Variants in METAP1 observed in about 807,000 individuals in gnomAD.
METAP1 encodes methionine aminopeptidase 1.
In METAP1, 28 loss-of-function variants were observed where a neutral mutation model predicts 53.8. The ratio of observed to expected loss-of-function variants is 0.52; its 90% CI spans 0.39 to 0.71. The LOEUF is 0.71. Ranked by LOEUF, METAP1 falls within the 30% of genes least tolerant of loss-of-function variation. The pLI is 0.00. For missense variants in METAP1, 389 were observed against 479.8 expected (o/e 0.81, Z 1.77); for synonymous variants, 181 against 165.7 (o/e 1.09, Z -0.71).
In METAP1 at chr4:99,041,036, T is replaced by C. The variant is rs757470277; in HGVS notation, c.433-7T>C. ...TTTTTAATGTATTGAGTGTTCCTTT[T>C]TTACAGCTTGCTAGAGAAGTTTTGG... On this transcript the variant is annotated splice_region_variant and splice_polypyrimidine_tract_variant and intron_variant, in intron 5 of 10. Coordinates refer to ENST00000296411, the MANE Select transcript of METAP1 (RefSeq NM_015143.3). 1 of 1,604,102 alleles carries C rather than the reference T, an allele frequency of 6.2e-7. No individual in the cohort carries two copies. Among genetic ancestry groups the C allele is most frequent in the Non-Finnish European group, 8.5e-7 (1 of 1,173,406 alleles).
At position 99,052,091 on chromosome 4, in the gene METAP1, T is replaced by C. The variant is rs544725956; in HGVS notation, c.931+3215T>C. On this transcript the variant is annotated intron_variant, in intron 9 of 10. Transcript: ENST00000296411. ...AGCAAGTCATACAGATTTTTTGGTT[T>C]CCCAGTGCAGTGCATAAAAAGTTAT... Among the ~76,000 whole-genome samples the C allele has an allele frequency of 2.6e-5, 4 of 152,336 alleles. No individual in the cohort carries two copies. In the South Asian group the frequency reaches 8.3e-4, roughly 32 times the overall value.
chr4:99,026,337 C>G (rs1724555461), intron 1 of METAP1: 1 of 985,262 alleles, frequency 1.0e-6, no homozygotes, highest in Admixed American at 6.2e-5. Flanking sequence ...AGTAGTAAAA[C>G]AAAGTGCTGT....
intron 1 of METAP1, among the ~76,000 whole-genome samples, chr4:98,996,284 G>A (rs1461536867): frequency 6.6e-6 from 1 of 152,242 alleles, no homozygotes; most frequent in Non-Finnish European, 1.5e-5. Flanking sequence ...CCGCAGCACC[G>A]GCGGGGCTCG....
chr4:99,008,312 A>C (rs1229640187), intron 1 of METAP1, among the ~76,000 whole-genome samples: 1 of 152,224 alleles, frequency 6.6e-6, no homozygotes, highest in Non-Finnish European at 1.5e-5. Flanking sequence ...TTTAAGGAAG[A>C]GTCCAAGTAC....
At chr4:99,055,091 T>A (rs3100627) in intron 9 of METAP1, among the ~76,000 whole-genome samples, 47,146 of 150,242 alleles carry the variant, frequency 0.31, 10,540 homozygotes, top group East Asian at 0.79. Context: ...CAATTTATTT[T>A]TAAAAAAAAA....
chr4:99,002,803 C>T (rs914359096), intron 1 of METAP1, among the ~76,000 whole-genome samples: 16 of 152,248 alleles, frequency 1.1e-4, no homozygotes, highest in Admixed American at 1.3e-4. Context: ...GGCCAGGCGC[C>T]GTGGCTTATG....
chr4:99,022,396 G>T, intron 1 of METAP1: 1 of 775,506 alleles, frequency 1.3e-6, no homozygotes, highest in Non-Finnish European at 1.9e-6. Flanking sequence ...TGCTTTGTTG[G>T]AGTGGGCCTT....
intron 1 of METAP1, chr4:99,022,242 T>A: frequency 2.2e-6 from 1 of 457,406 alleles, no homozygotes; most frequent in Non-Finnish European, 3.5e-6. Flanking sequence ...TGGGTAGTCA[T>A]GATCATTCTA....
chr4:99,040,289 C>T (rs941190345), intron 5 of METAP1, among the ~76,000 whole-genome samples: 1 of 152,074 alleles, frequency 6.6e-6, no homozygotes, highest in Non-Finnish European at 1.5e-5. Flanking sequence ...GGTTGGTACT[C>T]ATTAGGTGAA....
At chr4:98,996,784 G>A (rs1323115520) in intron 1 of METAP1, among the ~76,000 whole-genome samples, 1 of 152,210 alleles carries the variant, frequency 6.6e-6, no homozygotes, top group African/African-American at 2.4e-5. Context: ...GGCGGCAATA[G>A]TATGGCTCTT....
chr4:99,041,204 A>G, intron 6 of METAP1, 78 bp downstream of exon 6: 1 of 1,010,716 alleles, frequency 9.9e-7, no homozygotes, highest in Admixed American at 2.3e-5. Flanking sequence ...AAGTAGATTT[A>G]AGTTCTGAGT....
Position 99,039,411 on chromosome 4 carries a change from T to C in METAP1, c.378T>C (p.Ser126=). 6.2e-7 allele frequency: 1 copy of C among 1,612,182 alleles called. No individual in the cohort carries two copies. The highest frequency in any genetic ancestry group is 1.1e-5 in the South Asian group (1 of 90,846). ...CTGAACAGGCTCTTAAAGGTACTTCTCAGATTAAATTACTCTCATCTGAAG... is the reference window on the plus strand; with the variant it reads ...CTGAACAGGCTCTTAAAGGTACTTCCCAGATTAAATTACTCTCATCTGAAG... The part of the protein sequence containing the change: ...SESEQALKGT[S]QIKLLSSEDI... Residue 126 remains serine (S), a synonymous_variant, in exon 5 of 11, where the codon TCT becomes TCC. Transcript: ENST00000296411.
chr4:99,013,821 C>T (rs1376044399), intron 1 of METAP1, among the ~76,000 whole-genome samples: 2 of 152,216 alleles, frequency 1.3e-5, no homozygotes, highest in South Asian at 2.1e-4. Context: ...CTGGAACAAG[C>T]TGGAGCAGCC....
chr4:99,040,237 T>A (rs553406695), intron 5 of METAP1, among the ~76,000 whole-genome samples: 1 of 152,346 alleles, frequency 6.6e-6, no homozygotes, highest in African/African-American at 2.4e-5. Context: ...AGGGTTATGC[T>A]GTAGGCCTTT....
intron 2 of METAP1, among the ~76,000 whole-genome samples, chr4:99,030,244 T>C (rs1304548632): frequency 6.6e-6 from 1 of 152,202 alleles, no homozygotes; most frequent in East Asian, 1.9e-4. Flanking sequence ...TGCTAACTCA[T>C]TGATGTGTGC....
intron 10 of METAP1, 82 bp downstream of exon 10, chr4:99,057,900 A>G (rs561406823): frequency 1.1e-5 from 14 of 1,243,834 alleles, no homozygotes; most frequent in African/African-American, 4.5e-5. Flanking sequence ...GGTCTTTTCT[A>G]CCTGCTTGCT....
intron 1 of METAP1, among the ~76,000 whole-genome samples, chr4:99,010,970 C>T (rs1723437615): frequency 6.7e-6 from 1 of 150,284 alleles, no homozygotes; most frequent in African/African-American, 2.4e-5. Context: ...TAAAATTATT[C>T]ATTGTTAGTG....
chr4:99,015,560 C>T (rs967155610), intron 1 of METAP1, among the ~76,000 whole-genome samples: 1 of 152,152 alleles, frequency 6.6e-6, no homozygotes, highest in East Asian at 1.9e-4. Flanking sequence ...CTGTAGAGGT[C>T]CAGCCTCTGT....
intron 1 of METAP1, among the ~76,000 whole-genome samples, chr4:99,015,481 G>A (rs1022503888): frequency 4.6e-5 from 7 of 152,178 alleles, no homozygotes. Context: ...CACTGATAAA[G>A]CTTACAATCA....
Sources: allele counts gnomAD v4.1 joint callset (sites outside exome capture counted in the v4.1 genomes callset), GRCh38; gene constraint gnomAD v4.1.1; transcripts MANE v1.5; gene names NCBI Gene and HGNC (gene_info 2026-07-23, HGNC 2026-07-21).